Variants in CDK13 observed in about 807,000 individuals in gnomAD.
CDK13 encodes the protein cyclin dependent kinase 13.
A neutral mutation model predicts 137.6 loss-of-function variants in CDK13; 40 were observed. The observed-to-expected ratio is 0.29, with a 90% CI of 0.23 to 0.38. The LOEUF is 0.38. Among genes scored for constraint, CDK13 ranks in the 10% least tolerant of loss-of-function variants. The probability of loss-of-function intolerance (pLI) is 1.00; values close to 1 mark genes in which losing one functional copy is unlikely to be tolerated. For synonymous variants in CDK13, 869 were observed against 760.1 expected (o/e 1.14, Z -2.36); for missense variants, 1,704 against 1,951.8 (o/e 0.87, Z 2.39).
chr7:39,960,201 A>G (rs1787565430), intron 1 of CDK13, among the ~76,000 whole-genome samples: 1 of 131,236 alleles, frequency 7.6e-6, no homozygotes, highest in Non-Finnish European at 1.7e-5. Context: ...TTAAAATACC[A>G]CTTTCATTTG....
intron 1 of CDK13, among the ~76,000 whole-genome samples, chr7:39,970,306 T>G (rs1783969260): frequency 6.6e-6 from 1 of 151,888 alleles, no homozygotes; most frequent in Non-Finnish European, 1.5e-5. Flanking sequence ...CGGCCAGATT[T>G]ATGCATTTTA....
intron 11 of CDK13, among the ~76,000 whole-genome samples, chr7:40,086,633 G>T (rs1451178234): frequency 1.3e-5 from 2 of 152,106 alleles, no homozygotes; most frequent in Admixed American, 1.3e-4. Context: ...AGTTTTGATA[G>T]TTGTTATTCG....
chr7:39,984,291 G>A (rs150656413), intron 1 of CDK13: 5 of 152,120 alleles, frequency 3.3e-5, no homozygotes, highest in Admixed American at 3.3e-4. Context: ...CACACCTGTT[G>A]TCCCAGCTAC....
Position 39,980,700 on chromosome 7 carries a change from A to G in CDK13, c.1212-6899A>G, listed in dbSNP as rs1382189213. 3.9e-5 allele frequency among the ~76,000 whole-genome samples: 6 copies of G among 152,168 alleles called. No individual in the cohort carries two copies. The East Asian group carries it at 1.2e-3, about 29-fold the overall frequency. ...CCATTGAGTGATGCTGCTCTGTGTT[A>G]TTTTCAACAGTGGAGGACTGGATAT... On this transcript the variant is annotated intron_variant, in intron 1 of 13. Transcript: ENST00000181839.
chr7:40,037,883 AC>A (rs1183364801), intron 5 of CDK13, among the ~76,000 whole-genome samples: 6 of 151,990 alleles, frequency 3.9e-5, no homozygotes, highest in Non-Finnish European at 8.8e-5. Flanking sequence ...CTTAAAATAT[AC>A]CCCCCAGCTG....
intron 5 of CDK13, among the ~76,000 whole-genome samples, chr7:40,011,100 C>T (rs1177108340): frequency 6.6e-6 from 1 of 152,116 alleles, no homozygotes; most frequent in African/African-American, 2.4e-5. Context: ...AACACAATTC[C>T]TATCAAATCT....
Position 39,951,654 on chromosome 7 carries a change from G to T in CDK13, c.1013G>T (p.Arg338Leu), listed in dbSNP as rs1435320548. The change falls in exon 1 of 14, where the codon CGC (arginine) becomes CTC (leucine). Residue 338 changes from arginine (R) to leucine (L), a missense_variant. Transcript: ENST00000181839. Reference protein sequence around the residue: ...SHRASQSLRSRKSPSPAGGGS... With the variant: ...SHRASQSLRSLKSPSPAGGGS... ...AGGGCCTCTCAGAGCCTGAGGAGCC[G>T]CAAGTCCCCCAGCCCGGCAGGAGGT... The T allele has an allele frequency of 1.4e-6, 2 of 1,476,328 alleles. No individual in the cohort carries two copies. The highest frequency in any genetic ancestry group is 1.8e-6 in the Non-Finnish European group (2 of 1,117,810). The allele number at this position is 1,476,328 out of a possible 1,614,324, so 91.5% of individuals were successfully genotyped here.
intron 1 of CDK13, among the ~76,000 whole-genome samples, chr7:39,976,867 G>A (rs923934771): frequency 3.9e-5 from 6 of 152,072 alleles, no homozygotes; most frequent in Admixed American, 6.6e-5. Flanking sequence ...ACTGCTGTAC[G>A]GTATTTGTTT....
chr7:40,082,004 A>C (rs1786673598), intron 11 of CDK13, among the ~76,000 whole-genome samples: 1 of 152,186 alleles, frequency 6.6e-6, no homozygotes, highest in Admixed American at 6.5e-5. Context: ...TTTCCCAAGT[A>C]GTTTGCATAT....
chr7:39,956,886 C>G (rs987428288), intron 1 of CDK13, among the ~76,000 whole-genome samples: 3 of 152,122 alleles, frequency 2.0e-5, no homozygotes, highest in Non-Finnish European at 2.9e-5. Flanking sequence ...TGTGCATGGC[C>G]AAGTCTAAAC....
At chr7:40,005,710 G>T (rs1784785123) in intron 5 of CDK13, among the ~76,000 whole-genome samples, 1 of 152,152 alleles carries the variant, frequency 6.6e-6, no homozygotes, top group Admixed American at 6.6e-5. Flanking sequence ...AGATGCTGAA[G>T]AAGATTTTTC....
intron 5 of CDK13, among the ~76,000 whole-genome samples, chr7:40,044,218 A>G (rs1027323956): frequency 1.3e-5 from 2 of 151,420 alleles, no homozygotes; most frequent in African/African-American, 4.9e-5. Context: ...AATTCTTGTT[A>G]AAGTTTAGTC....
At chr7:40,022,858 CTT>C (rs200053217) in intron 5 of CDK13, among the ~76,000 whole-genome samples, 60 of 134,476 alleles carry the variant, frequency 4.5e-4, no homozygotes, top group Non-Finnish European at 4.4e-4. Flanking sequence ...TTTTCGTCTT[CTT>C]TTTTTTTTTT....
intron 7 of CDK13, among the ~76,000 whole-genome samples, chr7:40,055,741 G>A (rs1210407474): frequency 2.0e-5 from 3 of 151,856 alleles, no homozygotes; most frequent in Non-Finnish European, 2.9e-5. Flanking sequence ...GTGATACCTG[G>A]CTAATTTGTT....
At chr7:40,032,018 C>A (rs545060420) in intron 5 of CDK13, among the ~76,000 whole-genome samples, 2 of 151,846 alleles carry the variant, frequency 1.3e-5, no homozygotes, top group Non-Finnish European at 2.9e-5. Flanking sequence ...CTTGTCTTTT[C>A]GTTTTCTTAG....
At chr7:40,080,051 G>A (rs1786632717) in intron 11 of CDK13, among the ~76,000 whole-genome samples, 1 of 152,148 alleles carries the variant, frequency 6.6e-6, no homozygotes, top group Non-Finnish European at 1.5e-5. Context: ...GCAGTGGCAC[G>A]ATCTCAGCTC....
intron 5 of CDK13, among the ~76,000 whole-genome samples, chr7:40,033,683 A>G (rs10275761): frequency 0.54 from 81,906 of 151,920 alleles, 23,916 homozygotes; most frequent in African/African-American, 0.77. Flanking sequence ...GAGGTGTGCA[A>G]TTTGTTTAGT....
At chr7:40,046,970 C>G (rs1785755282) in intron 6 of CDK13, among the ~76,000 whole-genome samples, 1 of 140,094 alleles carries the variant, frequency 7.1e-6, no homozygotes, top group South Asian at 2.3e-4. Flanking sequence ...GATAGTGCCA[C>G]TGCACTCCAG....
intron 1 of CDK13, chr7:39,986,026 A>AT (rs545221744): frequency 0.011 from 1,639 of 152,374 alleles, 13 homozygotes; most frequent in Non-Finnish European, 0.018. Flanking sequence ...CTCAGAAGGC[A>AT]TATCTGTTGG....
Sources: allele counts gnomAD v4.1 joint callset (sites outside exome capture counted in the v4.1 genomes callset), GRCh38; gene constraint gnomAD v4.1.1; transcripts MANE v1.5; gene names NCBI Gene and HGNC (gene_info 2026-07-23, HGNC 2026-07-21).